Variants in OPHN1 observed in about 807,000 individuals in gnomAD.
OPHN1 encodes the protein oligophrenin-1.
Under a neutral mutation model 60.7 loss-of-function variants are expected in OPHN1, and 11 were observed. The observed-to-expected ratio is 0.18, with a 90% confidence interval of 0.11 to 0.30. The LOEUF (loss-of-function observed/expected upper bound fraction) is 0.30, where lower values mean the gene tolerates loss of function less well. Among genes scored for constraint, OPHN1 ranks in the 10% least tolerant of loss-of-function variants. OPHN1 has a pLI of 1.00. For synonymous variants in OPHN1, 226 were observed against 222.6 expected (o/e 1.02, Z -0.14); for missense variants, 449 against 611.0 (o/e 0.73, Z 2.80).
chrX:68,341,326 C>CAA (rs559502317), intron 2 of OPHN1, among the ~76,000 whole-genome samples: 28 of 97,153 alleles, frequency 2.9e-4, no homozygotes, highest in Admixed American at 8.0e-4. Context: ...CACACACTTT[C>CAA]AAAAAAAAAA....
At chrX:68,339,489 G>T (rs1032048859) in intron 2 of OPHN1, among the ~76,000 whole-genome samples, 3 of 111,943 alleles carry the variant, frequency 2.7e-5, no homozygotes, top group Non-Finnish European at 1.9e-5. Context: ...ATATGCAGAT[G>T]ACATGATCTT....
intron 3 of OPHN1, among the ~76,000 whole-genome samples, chrX:68,283,481 A>G (rs1046586115): frequency 1.1e-4 from 12 of 111,473 alleles, no homozygotes; most frequent in African/African-American, 3.6e-4. Flanking sequence ...TCCCTGTTCC[A>G]CTACTGACCA....
At chrX:68,052,476 G>C in intron 23 of OPHN1, 64 bp downstream of exon 23, 1 of 978,808 alleles carries the variant, frequency 1.0e-6, no homozygotes, top group African/African-American at 1.9e-5. Flanking sequence ...GAGCACAATT[G>C]TATGCTAAGG....
chrX:68,171,783 A>G (rs2077392972), intron 15 of OPHN1, among the ~76,000 whole-genome samples: 1 of 111,651 alleles, frequency 9.0e-6, no homozygotes, highest in South Asian at 3.7e-4. Context: ...AAACAGTCCA[A>G]TCAAAAAGTG....
intron 15 of OPHN1, among the ~76,000 whole-genome samples, chrX:68,144,688 A>C (rs139871403): frequency 2.2e-4 from 25 of 112,164 alleles, no homozygotes; most frequent in African/African-American, 8.1e-4. Context: ...CTGCCTTTGG[A>C]ATAACACCAC....
intron 18 of OPHN1, among the ~76,000 whole-genome samples, chrX:68,106,190 C>CTTTT (rs71831333): frequency 2.7e-5 from 2 of 74,478 alleles, no homozygotes; most frequent in African/African-American, 9.7e-5. Flanking sequence ...AAAGCTTTTC[C>CTTTT]TTTTTTTTTT....
chrX:68,141,518 T>C (rs974678236), intron 15 of OPHN1, among the ~76,000 whole-genome samples: 2 of 111,723 alleles, frequency 1.8e-5, no homozygotes, highest in Non-Finnish European at 3.8e-5. Flanking sequence ...AGGTCTATAG[T>C]ACCTTGGCCA....
At chrX:68,123,445 G>A (rs188883338) in intron 15 of OPHN1, among the ~76,000 whole-genome samples, 24 of 111,581 alleles carry the variant, frequency 2.2e-4, no homozygotes, top group African/African-American at 6.5e-4. Context: ...TTATAACACC[G>A]TAACTGTAAT....
intron 2 of OPHN1, among the ~76,000 whole-genome samples, chrX:68,431,710 G>A (rs975876411): frequency 1.8e-5 from 2 of 110,686 alleles, no homozygotes; most frequent in Middle Eastern, 4.7e-3. Flanking sequence ...TTACAGGCGT[G>A]AGCCACCTCG....
rs180884997 is a variant in OPHN1, at chrX:68,050,670, C to G, written c.2375+1870G>C. On this transcript the variant is annotated intron_variant, in intron 23 of 24. Coordinates refer to ENST00000355520, the MANE Select transcript of OPHN1 (RefSeq NM_002547.3). ...CCCACAGCATTTTTTCTGTCTAGTTCTATTCTTTTTTCAAGCCCCAACTCA... is the reference window on the plus strand; with the variant it reads ...CCCACAGCATTTTTTCTGTCTAGTTGTATTCTTTTTTCAAGCCCCAACTCA... Among the ~76,000 whole-genome samples the G allele has an allele frequency of 2.7e-5, 3 of 112,103 alleles. No homozygotes were observed. In the Admixed American group the frequency reaches 2.8e-4, roughly 11 times the overall value.
intron 10 of OPHN1, among the ~76,000 whole-genome samples, chrX:68,202,461 G>A (rs1325673662): frequency 1.8e-5 from 2 of 110,520 alleles, no homozygotes; most frequent in African/African-American, 6.6e-5. Flanking sequence ...ACAGGAAAGA[G>A]AAGTAACATT....
chrX:68,342,027 C>T (rs1488017318), intron 2 of OPHN1, among the ~76,000 whole-genome samples: 30 of 96,548 alleles, frequency 3.1e-4, no homozygotes, highest in Admixed American at 1.3e-3. Flanking sequence ...TAAAGTGCAG[C>T]GGCACAATCT....
chrX:68,220,104 C>G (rs1308271402), intron 6 of OPHN1, among the ~76,000 whole-genome samples: 1 of 105,447 alleles, frequency 9.5e-6, no homozygotes, highest in African/African-American at 3.4e-5. Context: ...GGGATATCAC[C>G]ACCAATCCCA....
chrX:68,104,989 G>A (rs373674551), intron 18 of OPHN1, among the ~76,000 whole-genome samples: 2 of 111,936 alleles, frequency 1.8e-5, no homozygotes, highest in Admixed American at 1.9e-4. Context: ...ATCAAAAAGT[G>A]GGCGAGGGAA....
At chrX:68,165,912 C>A (rs2077356095) in intron 15 of OPHN1, among the ~76,000 whole-genome samples, 1 of 111,814 alleles carries the variant, frequency 8.9e-6, no homozygotes, top group Admixed American at 9.5e-5. Context: ...TTTATAAGTT[C>A]ATTGAATTCT....
chrX:68,218,637 A>G (rs769059357), intron 6 of OPHN1, among the ~76,000 whole-genome samples: 5,815 of 108,434 alleles, frequency 0.054, 424 homozygotes, highest in African/African-American at 0.19. Context: ...ACATTCTTAA[A>G]GAAAAGAATT....
intron 12 of OPHN1, 105 bp downstream of exon 12, chrX:68,197,081 A>C (rs1227607067): frequency 6.6e-6 from 4 of 603,020 alleles, no homozygotes; most frequent in Non-Finnish European, 1.1e-5. Context: ...AACTGAGACT[A>C]AACAATCCAT....
At chrX:68,151,448 T>C (rs2077285089) in intron 15 of OPHN1, among the ~76,000 whole-genome samples, 1 of 111,384 alleles carries the variant, frequency 9.0e-6, no homozygotes, top group Non-Finnish European at 1.9e-5. Flanking sequence ...ATCATGAAAA[T>C]AAAATGATGC....
intron 2 of OPHN1, among the ~76,000 whole-genome samples, chrX:68,417,584 A>G (rs562146575): frequency 8.9e-6 from 1 of 112,919 alleles, no homozygotes; most frequent in African/African-American, 3.2e-5. Flanking sequence ...TTAAAAAACA[A>G]AAATCTTTGC....
Sources: gnomAD v4.1 joint callset for allele counts (sites outside exome capture counted in the v4.1 genomes callset) on GRCh38, gnomAD v4.1.1 for gene constraint, MANE v1.5 for transcripts, NCBI Gene and HGNC (gene_info 2026-07-23, HGNC 2026-07-21) for gene names.